TTLL5: variants seen among roughly 807,000 people sequenced by gnomAD.
TTLL5 encodes the protein tubulin polyglutamylase TTLL5.
Under a neutral mutation model 168.4 loss-of-function variants are expected in TTLL5, and 132 were observed. That is an observed-to-expected ratio of 0.78 (90% CI 0.68 to 0.91). The LOEUF (loss-of-function observed/expected upper bound fraction) is 0.91, where lower values mean the gene tolerates loss of function less well. TTLL5 is among the 40% of genes least tolerant of loss of function. The pLI, the probability that TTLL5 is intolerant of heterozygous loss-of-function variation, is 0.00. For synonymous variants in TTLL5, 546 were observed against 558.6 expected, an observed-to-expected ratio of 0.98 and a Z score of 0.32; for missense variants, 1,545 against 1,581.5, an observed-to-expected ratio of 0.98 and a Z score of 0.39.
intron 30 of TTLL5, among the ~76,000 whole-genome samples, chr14:75,891,523 T>C (rs2032401161): frequency 6.6e-6 from 1 of 152,158 alleles, no homozygotes; most frequent in African/African-American, 2.4e-5. Context: ...AGATCTCTGC[T>C]TGCATGGTTT....
chr14:75,861,189 G>A (rs2029954590), intron 28 of TTLL5, among the ~76,000 whole-genome samples: 1 of 119,646 alleles, frequency 8.4e-6, no homozygotes, highest in African/African-American at 3.0e-5. Context: ...ACTGAACTGT[G>A]GGAGCCAAAC....
chr14:75,781,187 G>A (rs1319911322), intron 24 of TTLL5, among the ~76,000 whole-genome samples: 1 of 152,118 alleles, frequency 6.6e-6, no homozygotes, highest in Non-Finnish European at 1.5e-5. Context: ...AGCATGTGGT[G>A]GCGACATCTT....
At chr14:75,863,926 A>AAAAGAAAAG (rs1555352364) in intron 29 of TTLL5, 64 bp downstream of exon 29, 149 of 1,257,766 alleles carry the variant, frequency 1.2e-4, no homozygotes, top group Non-Finnish European at 1.4e-4. Context: ...AAAAAAAAAA[A>AAAAGAAAAG]AAAAAAAAGG....
At chr14:75,679,610 C>G (rs1884451930) in intron 3 of TTLL5, among the ~76,000 whole-genome samples, 1 of 152,212 alleles carries the variant, frequency 6.6e-6, no homozygotes, top group Non-Finnish European at 1.5e-5. Flanking sequence ...TAATCTATCT[C>G]TATCACTATT....
chr14:75,922,286 G>C (rs1388558863), intron 31 of TTLL5, among the ~76,000 whole-genome samples: 1 of 152,152 alleles, frequency 6.6e-6, no homozygotes, highest in African/African-American at 2.4e-5. Context: ...GGAGTGGTGA[G>C]AGAGGGCATC....
At chr14:75,952,330 A>G (rs2034987060) in intron 31 of TTLL5, among the ~76,000 whole-genome samples, 1 of 152,162 alleles carries the variant, frequency 6.6e-6, no homozygotes, top group Admixed American at 6.5e-5. Context: ...AGAAAAAGGA[A>G]AAACACAGCA....
At chr14:75,841,809 G>A (rs1896272140) in intron 28 of TTLL5, among the ~76,000 whole-genome samples, 1 of 152,054 alleles carries the variant, frequency 6.6e-6, no homozygotes, top group Non-Finnish European at 1.5e-5. Flanking sequence ...ATACACATAT[G>A]GAAAGATTAG....
At chr14:75,887,268 C>G (rs944639125) in intron 30 of TTLL5, 1 of 985,704 alleles carries the variant, frequency 1.0e-6, no homozygotes, top group Non-Finnish European at 1.2e-6. Context: ...AGATTAATGT[C>G]AGAAGAATAT....
At position 75,925,987 on chromosome 14, in the gene TTLL5, C is replaced by T. The variant is rs939604600; in HGVS notation, c.3823+23763C>T. ...ATCAGGCAGGGAGGTTGCAGTGAGC[C>T]GAGATGGCGGCAGTATAGTCCAGCT... On this transcript the variant is annotated intron_variant, in intron 31 of 31. Coordinates refer to ENST00000298832, the MANE Select transcript of TTLL5 (RefSeq NM_015072.5). 9.2e-5 allele frequency among the ~76,000 whole-genome samples: 14 copies of T among 151,364 alleles called. 1 individual carries two copies. Among genetic ancestry groups the T allele is most frequent in the African/African-American group, 2.7e-4 (11 of 40,818 alleles).
At chr14:75,695,405 G>T (rs1594884366) in intron 6 of TTLL5, among the ~76,000 whole-genome samples, 2 of 152,158 alleles carry the variant, frequency 1.3e-5, no homozygotes, top group East Asian at 1.9e-4. Flanking sequence ...AGCAATTTTA[G>T]TTTTGCCTGG....
At chr14:75,785,327 A>G (rs918888186) in intron 26 of TTLL5, among the ~76,000 whole-genome samples, 1 of 152,052 alleles carries the variant, frequency 6.6e-6, no homozygotes, top group African/African-American at 2.4e-5. Flanking sequence ...CTACAGGCAC[A>G]TGCCACCATG....
chr14:75,667,842 C>T (rs1883403623), intron 2 of TTLL5, among the ~76,000 whole-genome samples: 1 of 143,886 alleles, frequency 6.9e-6, no homozygotes, highest in Non-Finnish European at 1.5e-5. Context: ...TTCACTGCAA[C>T]CTCCGCCTCC....
chr14:75,863,733 A>G lies in TTLL5; in HGVS notation c.3393A>G (p.Thr1131=), dbSNP rs772067936. The change falls in exon 29 of 32, where the codon ACA becomes ACG. Residue 1131 remains threonine, a synonymous_variant. Transcript: ENST00000298832. ...AAAACAACGTGTACAGCCAGGCTAC[A>G]GGGGTGGTCCCCCAGCACAAGTATC... ...EVENNVYSQA[T]GVVPQHKYHP... is the part of the protein sequence containing the mutation. The G allele has an allele frequency of 1.2e-6, 2 of 1,613,842 alleles. No individual in the cohort carries two copies. Among genetic ancestry groups the G allele is most frequent in the Non-Finnish European group, 1.7e-6 (2 of 1,179,928 alleles).
In TTLL5 at chr14:75,954,575, C is replaced by T. The variant is rs1164141162; in HGVS notation, c.*129C>T. 12 of 1,010,218 alleles carry T rather than the reference C, an allele frequency of 1.2e-5. No individual in the cohort carries two copies. The highest frequency in any genetic ancestry group is 4.1e-5 in the Admixed American group (2 of 49,378). 62.6% of individuals were successfully genotyped at this position (1,010,218 alleles called of 1,614,324 possible). ...GCTGCCTCAAAGTCCCCAAAGCCTT[C>T]GAGCAGAAGTGGCAGTAGATGGTTG... On this transcript the variant is annotated 3_prime_UTR_variant, in exon 32 of 32. Coordinates refer to ENST00000298832, the MANE Select transcript of TTLL5 (RefSeq NM_015072.5).
At chr14:75,926,053 A>G (rs557167558) in intron 31 of TTLL5, among the ~76,000 whole-genome samples, 4 of 142,350 alleles carry the variant, frequency 2.8e-5, no homozygotes, top group African/African-American at 8.1e-5. Context: ...AGAGAGGGAG[A>G]GGGAGACCGT....
At chr14:75,863,507 C>T (rs565736047) in intron 28 of TTLL5, among the ~76,000 whole-genome samples, 160 bp from the exon 29 acceptor site, 4 of 152,250 alleles carry the variant, frequency 2.6e-5, no homozygotes, top group Non-Finnish European at 4.4e-5. Context: ...CATGGAGCTA[C>T]GGTTTAGTGG....
chr14:75,783,444 G>C lies in TTLL5; in HGVS notation c.2900G>C (p.Ser967Thr). Residue 967 changes from serine (S) to threonine (T), a missense_variant, in exon 26 of 32, where the codon AGT (serine) becomes ACT (threonine). Physicochemically the swap from Ser to Thr is moderately conservative, Grantham distance 58. Transcript: ENST00000298832. ...GGCCTGCCACGCTGTCGATCAGGAA[G>C]TCACACCATTGGTCCCTTTTCTTCC... ...PTGLPRCRSG[S>T]HTIGPFSSFQ... 2 of 1,614,204 alleles carry C rather than the reference G, an allele frequency of 1.2e-6. No homozygotes were observed. Among genetic ancestry groups the C allele is most frequent in the South Asian group, 2.2e-5 (2 of 91,088 alleles).
chr14:75,889,203 A>G (rs1262886577), intron 30 of TTLL5, among the ~76,000 whole-genome samples: 1 of 152,222 alleles, frequency 6.6e-6, no homozygotes, highest in Non-Finnish European at 1.5e-5. Flanking sequence ...GCCACTGCAG[A>G]AAATTGAATT....
chr14:75,763,663 C>T (rs1171029922), intron 18 of TTLL5, among the ~76,000 whole-genome samples: 1 of 152,178 alleles, frequency 6.6e-6, no homozygotes, highest in Non-Finnish European at 1.5e-5. Flanking sequence ...TACTGCTTTT[C>T]TGACCTGGTG....
Sources: allele counts gnomAD v4.1 joint callset (sites outside exome capture counted in the v4.1 genomes callset), GRCh38; gene constraint gnomAD v4.1.1; transcripts MANE v1.5; gene names NCBI Gene and HGNC (gene_info 2026-07-23, HGNC 2026-07-21).